The following GTF2A2 variants were observed in gnomAD, a reference collection of about 807,000 sequenced individuals.
GTF2A2 encodes general transcription factor IIA subunit 2, also known as transcription initiation factor IIA subunit 2.
A neutral mutation model predicts 14.3 loss-of-function variants in GTF2A2; 9 were observed. That is an observed-to-expected ratio of 0.63 (90% confidence interval 0.38 to 1.10). The LOEUF is 1.10. Ranked by LOEUF, GTF2A2 falls within the 50% of genes least tolerant of loss-of-function variation. GTF2A2 has a pLI of 0.01. For missense variants in GTF2A2, 90 were observed against 124.6 expected (o/e 0.72, Z 1.32); for synonymous variants, 56 against 46.0 (o/e 1.22, Z -0.88).
rs1423464820 is a variant in GTF2A2 at position 59,642,351 on chromosome 15, G to T, written c.178-89C>A. 8 of 1,156,344 alleles carry T rather than the reference G, an allele frequency of 6.9e-6. No homozygotes were observed. In the African/African-American group the frequency reaches 1.1e-4, roughly 16 times the overall value. The allele number at this position is 1,156,344 out of a possible 1,614,324, so 71.6% of individuals were successfully genotyped here. ...CAATTTAAGAGATCTTAGCTACCAA[G>T]AACATAATAAGTTTAATGCTTAGCT... On this transcript the variant is annotated intron_variant, in intron 3 of 4. Coordinates refer to ENST00000396060, the MANE Select transcript of GTF2A2 (RefSeq NM_004492.3).
At chr15:59,653,831 T>G (rs548461813) in intron 1 of GTF2A2, among the ~76,000 whole-genome samples, 1 of 152,264 alleles carries the variant, frequency 6.6e-6, no homozygotes, top group African/African-American at 2.4e-5. Flanking sequence ...CTGTCCTCAG[T>G]CTTACCCACC....
chr15:59,639,733 G>C (rs1871506), intron 4 of GTF2A2, among the ~76,000 whole-genome samples: 151,764 of 151,928 alleles, frequency 1, 75,800 homozygotes, highest in Middle Eastern at 1. Context: ...GCTGGCATTA[G>C]AGGTGTGAGC....
chr15:59,643,425 G>T (rs1018098484), intron 3 of GTF2A2, among the ~76,000 whole-genome samples: 1 of 150,896 alleles, frequency 6.6e-6, no homozygotes, highest in Non-Finnish European at 1.5e-5. Flanking sequence ...TGTTATGTTG[G>T]CCGGGCTAGT....
chr15:59,644,379 AT>A (rs1891534941), intron 3 of GTF2A2: 1 of 152,234 alleles, frequency 6.6e-6, no homozygotes, highest in Admixed American at 6.5e-5. Context: ...TATTATTGTA[AT>A]AGCAAAAATG....
At chr15:59,639,577 C>A (rs538258162) in intron 4 of GTF2A2, among the ~76,000 whole-genome samples, 229 of 151,308 alleles carry the variant, frequency 1.5e-3, no homozygotes, top group Non-Finnish European at 2.5e-3. Context: ...ATTCTCCTGC[C>A]TCAGCCTCCC....
chr15:59,641,927 T>C lies in GTF2A2; in HGVS notation c.304+209A>G, dbSNP rs569323788. 9.2e-5 allele frequency among the ~76,000 whole-genome samples: 14 copies of C among 152,358 alleles called. No homozygotes were observed. In the South Asian group the frequency reaches 2.9e-3, roughly 32 times the overall value. On this transcript the variant is annotated intron_variant, in intron 4 of 4. Transcript: ENST00000396060. ...TTTACCCACACAAATCCAACCTGTG[T>C]AAGCAGTCTATATGTTATTAAGTCA...
intron 3 of GTF2A2, among the ~76,000 whole-genome samples, chr15:59,644,628 T>C (rs938555433): frequency 2.6e-5 from 4 of 152,020 alleles, no homozygotes; most frequent in Admixed American, 2.6e-4. Context: ...ACAATGAGAG[T>C]ACAGCAAAGG....
chr15:59,640,675 T>C (rs1474915197), intron 4 of GTF2A2, among the ~76,000 whole-genome samples: 1 of 152,206 alleles, frequency 6.6e-6, no homozygotes, highest in Non-Finnish European at 1.5e-5. Flanking sequence ...GATAGAGATC[T>C]AGGTATTATA....
At chr15:59,647,875 G>T (rs1359481050) in intron 3 of GTF2A2, among the ~76,000 whole-genome samples, 1 of 151,988 alleles carries the variant, frequency 6.6e-6, no homozygotes, top group East Asian at 1.9e-4. Flanking sequence ...CAGCCTAAAA[G>T]AACATCTTAA....
At chr15:59,641,774 G>T (rs1170698138) in intron 4 of GTF2A2, among the ~76,000 whole-genome samples, 1 of 152,062 alleles carries the variant, frequency 6.6e-6, no homozygotes, top group Non-Finnish European at 1.5e-5. Context: ...AAATATATGG[G>T]TCTCCAGCAA....
intron 4 of GTF2A2, among the ~76,000 whole-genome samples, chr15:59,640,559 C>T (rs1891380816): frequency 6.6e-6 from 1 of 152,170 alleles, no homozygotes. Flanking sequence ...CCCATACCCA[C>T]ATTTCAAGTA....
intron 4 of GTF2A2, among the ~76,000 whole-genome samples, chr15:59,640,411 A>C (rs1891372413): frequency 6.6e-6 from 1 of 152,076 alleles, no homozygotes; most frequent in African/African-American, 2.4e-5. Context: ...GCTATGGTTC[A>C]AATGTATGGT....
intron 3 of GTF2A2, among the ~76,000 whole-genome samples, chr15:59,648,594 C>T (rs765754203): frequency 6.6e-6 from 1 of 151,882 alleles, no homozygotes; most frequent in Non-Finnish European, 1.5e-5. Context: ...TCTCCTATAA[C>T]ACTCTACTAA....
chr15:59,652,410 T>G (rs1891820818), intron 1 of GTF2A2, 84 bp from the exon 2 acceptor site: 1 of 590,702 alleles, frequency 1.7e-6, no homozygotes, highest in African/African-American at 1.9e-5. Flanking sequence ...CCTCAAATAT[T>G]CTAATATAGA....
chr15:59,638,487 C>A lies in GTF2A2; in HGVS notation c.*645G>T, dbSNP rs191943209. On this transcript the variant is annotated 3_prime_UTR_variant, in exon 5 of 5. Coordinates refer to ENST00000396060, the MANE Select transcript of GTF2A2 (RefSeq NM_004492.3). ...GGATCAATATGGCAAGCTGAAGACA[C>A]CTGTCATGTGGGGGGACTATTTTGT... 6.6e-6 allele frequency: 1 copy of A among 152,100 alleles called. No homozygotes were observed. The highest frequency in any genetic ancestry group is 6.6e-5 in the Admixed American group (1 of 15,246). 9.4% of individuals were successfully genotyped at this position (152,100 alleles called of 1,614,324 possible).
In GTF2A2 at chr15:59,653,567, G is replaced by T. The variant is rs561214100; in HGVS notation, c.-49-1241C>A. 1.3e-4 allele frequency among the ~76,000 whole-genome samples: 19 copies of T among 151,872 alleles called. No individual in the cohort carries two copies. The South Asian group carries it at 4.0e-3, about 32-fold the overall frequency. On this transcript the variant is annotated intron_variant, in intron 1 of 4. Transcript: ENST00000396060. ...CTCAGCTCCCTGACTTGTAACTGTT[G>T]AACTGCCCTAAGTTTTCTTGGGTCC... is the stretch of plus-strand genomic sequence containing the variant.
chr15:59,652,628 G>T (rs1387347608), intron 1 of GTF2A2, among the ~76,000 whole-genome samples: 1 of 151,988 alleles, frequency 6.6e-6, no homozygotes, highest in Non-Finnish European at 1.5e-5. Flanking sequence ...AATTTTCCAT[G>T]TACTGTCCTT....
chr15:59,652,180 G>A (rs377633920), intron 2 of GTF2A2, 26 bp downstream of exon 2: 1 of 1,289,006 alleles, frequency 7.8e-7, no homozygotes, highest in Non-Finnish European at 1.1e-6. Context: ...AGATAAAAAT[G>A]TTTGATTTTT....
intron 3 of GTF2A2, among the ~76,000 whole-genome samples, chr15:59,644,503 A>C (rs1445888299): frequency 1.3e-5 from 2 of 152,234 alleles, no homozygotes; most frequent in East Asian, 3.8e-4. Context: ...CTGGCCTCTG[A>C]GGATACAATG....
Sources: allele counts gnomAD v4.1 joint callset (sites outside exome capture counted in the v4.1 genomes callset), GRCh38; gene constraint gnomAD v4.1.1; transcripts MANE v1.5; gene names NCBI Gene and HGNC (gene_info 2026-07-23, HGNC 2026-07-21).